PIEZO2: variants seen among roughly 807,000 people sequenced by gnomAD.
The protein encoded by PIEZO2 is piezo type mechanosensitive ion channel component 2, also known as piezo-type mechanosensitive ion channel component 2.
Under a neutral mutation model 337.3 loss-of-function variants are expected in PIEZO2, and 172 were observed. The ratio of observed to expected loss-of-function variants is 0.51; its 90% CI spans 0.45 to 0.58. The LOEUF (loss-of-function observed/expected upper bound fraction) is 0.58. PIEZO2 is among the 20% of genes least tolerant of loss of function. PIEZO2 has a pLI of 0.00. For missense variants in PIEZO2, 3,028 were observed against 3,391.3 expected, an observed-to-expected ratio of 0.89 and a Z score of 2.66; for synonymous variants, 1,251 against 1,228.5, an observed-to-expected ratio of 1.02 and a Z score of -0.38.
At chr18:10,701,283 T>C (rs1040597058) in intron 43 of PIEZO2, among the ~76,000 whole-genome samples, 1 of 152,242 alleles carries the variant, frequency 6.6e-6, no homozygotes, top group Admixed American at 6.5e-5. Context: ...ATGGCGTATT[T>C]ACAAGTTTAG....
chr18:10,698,015 C>CATTTGTGAACAATTACTGAGG, intron 44 of PIEZO2, 135 bp from the exon 45 acceptor site: 1 of 132,124 alleles, frequency 7.6e-6, no homozygotes, highest in Non-Finnish European at 1.2e-5. Flanking sequence ...GTATGCACGG[C>CATTTGTGAACAATTACTGAGG]CTTGGGATTT....
intron 1 of PIEZO2, among the ~76,000 whole-genome samples, chr18:11,076,697 C>A (rs1428221598): frequency 6.6e-6 from 1 of 152,082 alleles, no homozygotes; most frequent in East Asian, 1.9e-4. Flanking sequence ...AACTTCACAT[C>A]ATATATTAGT....
At position 10,724,714 on chromosome 18, in the gene PIEZO2, C is replaced by A. The variant is rs377419884; in HGVS notation, c.5030-6455G>T. 8.7e-5 allele frequency: 122 copies of A among 1,395,574 alleles called. No homozygotes were observed. In the African/African-American group the frequency reaches 1.1e-3, roughly 12 times the overall value. 86.4% of individuals were successfully genotyped at this position (1,395,574 alleles called of 1,614,324 possible). Reference sequence around the variant, plus strand: ...GCGTCATAGGCTGAAGCACTCAGACCGAGATGGGCCACCACTGTACCCCTG... The same window carrying A: ...GCGTCATAGGCTGAAGCACTCAGACAGAGATGGGCCACCACTGTACCCCTG... On this transcript the variant is annotated intron_variant, in intron 36 of 55. Coordinates refer to ENST00000674853, the MANE Select transcript of PIEZO2 (RefSeq NM_001378183.1). This position sits in a 1 kb window ranked among gnomAD's most constrained non-coding sequence, Gnocchi z 5.8.
At chr18:10,886,574 G>A in intron 4 of PIEZO2, among the ~76,000 whole-genome samples, 1 of 126,320 alleles carries the variant, frequency 7.9e-6, no homozygotes, top group South Asian at 2.5e-4. Flanking sequence ...TTATAAATTA[G>A]GCACAGTGAG....
chr18:10,691,782 C>CACACATATATAT, intron 47 of PIEZO2, among the ~76,000 whole-genome samples: 3 of 96,600 alleles, frequency 3.1e-5, no homozygotes, highest in African/African-American at 1.4e-4. Context: ...CACACACACA[C>CACACATATATAT]ATATATATAT....
At chr18:11,037,005 G>A (rs991136157) in intron 2 of PIEZO2, among the ~76,000 whole-genome samples, 22 of 152,162 alleles carry the variant, frequency 1.4e-4, no homozygotes, top group African/African-American at 2.4e-4. Flanking sequence ...AGACTCTGTC[G>A]CCCAGGTTGG....
At chr18:11,066,385 C>A (rs1352689105) in intron 1 of PIEZO2, among the ~76,000 whole-genome samples, 163 bp from the exon 2 acceptor site, 1 of 152,112 alleles carries the variant, frequency 6.6e-6, no homozygotes, top group African/African-American at 2.4e-5. Context: ...GGTATTTATT[C>A]TATGTTCATC....
intron 2 of PIEZO2, among the ~76,000 whole-genome samples, chr18:11,006,597 G>T (rs2035730706): frequency 6.6e-6 from 1 of 151,948 alleles, no homozygotes; most frequent in Non-Finnish European, 1.5e-5. Context: ...TTACCCTCCC[G>T]CATCTGCTAT....
chr18:10,719,595 G>A (rs4797473), intron 36 of PIEZO2, among the ~76,000 whole-genome samples: 29,690 of 151,908 alleles, frequency 0.2, 3,139 homozygotes, highest in South Asian at 0.29. Flanking sequence ...CCAGTCCTCC[G>A]TTCATCAACG....
chr18:10,869,120 G>A (rs1598607284), intron 5 of PIEZO2, among the ~76,000 whole-genome samples: 1 of 152,216 alleles, frequency 6.6e-6, no homozygotes, highest in African/African-American at 2.4e-5. Flanking sequence ...CAAGCAAAAT[G>A]AGCAGGCACT....
At chr18:10,803,662 G>A (rs180765039) in intron 9 of PIEZO2, among the ~76,000 whole-genome samples, 247 of 152,224 alleles carry the variant, frequency 1.6e-3, no homozygotes, top group Middle Eastern at 6.8e-3. Context: ...TAGAAAGCAC[G>A]GAAATATAAA....
At chr18:10,709,361 C>G (rs1180243123) in intron 39 of PIEZO2, 1 of 152,244 alleles carries the variant, frequency 6.6e-6, no homozygotes, top group Admixed American at 6.5e-5. Context: ...TTTCAGTTCC[C>G]ACACATGGCT....
chr18:10,735,511 C>T (rs1325273711), intron 34 of PIEZO2, among the ~76,000 whole-genome samples, 181 bp from the exon 35 acceptor site: 1 of 152,134 alleles, frequency 6.6e-6, no homozygotes, highest in Admixed American at 6.6e-5. Flanking sequence ...AATAGTCAAT[C>T]ATTGCATGTA....
intron 1 of PIEZO2, among the ~76,000 whole-genome samples, chr18:11,120,445 C>A (rs1176509446): frequency 6.6e-6 from 1 of 151,950 alleles, no homozygotes; most frequent in Non-Finnish European, 1.5e-5. Context: ...CAGAAACTGG[C>A]AAAAAGAAAA....
intron 1 of PIEZO2, among the ~76,000 whole-genome samples, chr18:11,144,832 TC>T (rs2040766451): frequency 6.6e-6 from 1 of 152,144 alleles, no homozygotes; most frequent in African/African-American, 2.4e-5. Context: ...GCTTCCCCTT[TC>T]TTCCCCCTGA....
intron 12 of PIEZO2, among the ~76,000 whole-genome samples, chr18:10,797,122 T>C (rs1274560264): frequency 1.3e-5 from 2 of 151,902 alleles, no homozygotes; most frequent in African/African-American, 4.8e-5. Flanking sequence ...ATATTATACA[T>C]ACCATCATAG....
Position 11,125,176 on chromosome 18 carries a change from A to T in PIEZO2, c.64+23349T>A, listed in dbSNP as rs994454490. ...AACACACACACACACACATGCACAC[A>T]TACAAAATACACACACCGTCTATCC... On this transcript the variant is annotated intron_variant, in intron 1 of 55. Coordinates refer to ENST00000674853, the MANE Select transcript of PIEZO2 (RefSeq NM_001378183.1). The surrounding 1 kb of genome is among the most constrained non-coding windows in gnomAD (Gnocchi z 4.4). Among the ~76,000 whole-genome samples, 2 of 152,214 alleles carry T rather than the reference A, an allele frequency of 1.3e-5. No individual in the cohort carries two copies. Among genetic ancestry groups the T allele is most frequent in the Non-Finnish European group, 2.9e-5 (2 of 68,034 alleles).
chr18:10,773,736 A>G lies in PIEZO2; in HGVS notation c.2568-107T>C, dbSNP rs1346572380. The G allele has an allele frequency of 1.9e-6, 2 of 1,071,186 alleles. No homozygotes were observed. Among genetic ancestry groups the G allele is most frequent in the Non-Finnish European group, 2.7e-6 (2 of 740,520 alleles). The allele number at this position is 1,071,186 out of a possible 1,614,324, so 66.4% of individuals were successfully genotyped here. ...ACACAAATGAAATCAGTGCATGTAC[A>G]AAGACCTCACAAGGTGGGGTGTTAG... On this transcript the variant is annotated intron_variant, in intron 19 of 55. Coordinates refer to ENST00000674853, the MANE Select transcript of PIEZO2 (RefSeq NM_001378183.1). This position sits in a 1 kb window ranked among gnomAD's most constrained non-coding sequence, Gnocchi z 5.3.
chr18:11,144,809 T>C (rs1286405695), intron 1 of PIEZO2, among the ~76,000 whole-genome samples: 1 of 152,160 alleles, frequency 6.6e-6, no homozygotes, highest in Non-Finnish European at 1.5e-5. Flanking sequence ...AATCCCCTGT[T>C]CCCCCAAGCA....
Sources: allele counts gnomAD v4.1 joint callset (sites outside exome capture counted in the v4.1 genomes callset), GRCh38; gene constraint gnomAD v4.1.1; non-coding constraint Gnocchi (gnomAD v3.1); transcripts MANE v1.5; gene names NCBI Gene and HGNC (gene_info 2026-07-23, HGNC 2026-07-21).